The following DNAH3 variants were observed in gnomAD, a reference collection of about 807,000 sequenced individuals.
DNAH3 encodes axonemal beta dynein heavy chain 3.
Under a neutral mutation model 432.5 loss-of-function variants are expected in DNAH3, and 332 were observed. The ratio of observed to expected loss-of-function variants is 0.77; its 90% CI spans 0.70 to 0.84. DNAH3 has a LOEUF of 0.84. Among genes scored for constraint, DNAH3 ranks in the 40% least tolerant of loss-of-function variants. DNAH3 has a pLI of 0.00. For missense variants in DNAH3, 4,861 were observed against 5,114.0 expected (o/e 0.95, Z 1.51); for synonymous variants, 1,956 against 1,900.2 (o/e 1.03, Z -0.76).
At chr16:20,962,397 C>T (rs115760089) in intron 53 of DNAH3, among the ~76,000 whole-genome samples, 1 of 152,086 alleles carries the variant, frequency 6.6e-6, no homozygotes, top group Non-Finnish European at 1.5e-5. Flanking sequence ...CATTGTGAGG[C>T]TTCTTTAAAC....
At chr16:21,081,921 T>G (rs1028387670) in intron 19 of DNAH3, among the ~76,000 whole-genome samples, 194 bp from the exon 20 acceptor site, 7 of 152,070 alleles carry the variant, frequency 4.6e-5, no homozygotes, top group African/African-American at 1.4e-4. Flanking sequence ...TTAAAAAAAT[T>G]TTTTGAGACA....
intron 5 of DNAH3, chr16:21,140,282 T>A (rs2092701818): frequency 3.2e-6 from 1 of 315,816 alleles, no homozygotes; most frequent in East Asian, 5.4e-5. Context: ...GCAACTTATA[T>A]TCTAAAAGGA....
intron 1 of DNAH3, among the ~76,000 whole-genome samples, chr16:21,148,269 C>A (rs1159301093): frequency 6.6e-6 from 1 of 152,048 alleles, no homozygotes; most frequent in African/African-American, 2.4e-5. Flanking sequence ...TACTATCTAC[C>A]ATTATTCCAA....
intron 42 of DNAH3, 102 bp from the exon 43 acceptor site, chr16:21,000,620 T>A: frequency 9.4e-7 from 1 of 1,061,002 alleles, no homozygotes; most frequent in African/African-American, 1.6e-5. Flanking sequence ...CATCCCTTAC[T>A]ATCTTTATGA....
exon 48 of DNAH3, chr16:20,985,328 C>T (rs1193599574): frequency 6.2e-7 from 1 of 1,614,234 alleles, no homozygotes. Flanking sequence ...TTCTTAAGAT[C>T]TTCTCGCCAG....
At chr16:20,933,534 C>T (rs1376340918) in intron 61 of DNAH3, 27 bp from the exon 62 acceptor site, 1 of 1,520,524 alleles carries the variant, frequency 6.6e-7, no homozygotes, top group East Asian at 2.3e-5. Context: ...CTATGAGCTC[C>T]ATTGCCTGCC....
chr16:20,964,795 T>C lies in DNAH3; in HGVS notation c.9089A>G (p.Asp3030Gly), dbSNP rs1317545619. The change falls in exon 53 of 62, where the codon GAC becomes GGC. Residue 3030 changes from aspartate (D) to glycine (G), a missense_variant. By Grantham distance (94) the Asp-to-Gly change is moderately conservative (BLOSUM62 -1). Coordinates refer to ENST00000261383, the Ensembl canonical transcript of DNAH3. ...GTCACTGAAGCCAGGGATGACCTTG[T>C]CCTTACATTCAGCCAACCACTGATT... 3.1e-6 allele frequency: 5 copies of C among 1,613,998 alleles called. No homozygotes were observed. The African/African-American group carries it at 5.3e-5, about 17-fold the overall frequency.
Position 21,117,258 on chromosome 16 carries a change from CA to C in DNAH3, c.1758del (p.Asp587IlefsTer3). On this transcript the variant is annotated frameshift_variant, in exon 12 of 62. Transcript: ENST00000261383. LOFTEE classifies it high-confidence loss of function. ...ACCTTGAAAGTTTGAATCAAAAAAT[CA>C]GAAACAAGTTTTTCTTCTGCGTTAA... The C allele has an allele frequency of 6.2e-7, 1 of 1,611,054 alleles. No homozygotes were observed. The highest frequency in any genetic ancestry group is 8.5e-7 in the Non-Finnish European group (1 of 1,179,362).
chr16:20,939,387 G>A (rs1203230140), intron 59 of DNAH3, among the ~76,000 whole-genome samples: 4 of 152,094 alleles, frequency 2.6e-5, no homozygotes, highest in South Asian at 2.1e-4. Flanking sequence ...CAAGGTGGGC[G>A]GATCACCTGA....
chr16:21,148,117 G>C (rs764682245), intron 1 of DNAH3, among the ~76,000 whole-genome samples: 42 of 152,152 alleles, frequency 2.8e-4, no homozygotes, highest in Admixed American at 1.6e-3. Context: ...TCACTGATGA[G>C]GGTGGGATGG....
At chr16:21,096,656 ATT>A (rs1455773709) in intron 18 of DNAH3, among the ~76,000 whole-genome samples, 1 of 150,360 alleles carries the variant, frequency 6.7e-6, no homozygotes, top group African/African-American at 2.4e-5. Flanking sequence ...GTTTTTTTTT[ATT>A]TGTTTGTTTT....
intron 27 of DNAH3, among the ~76,000 whole-genome samples, chr16:21,055,130 A>G (rs1471425867): frequency 2.6e-5 from 4 of 151,956 alleles, no homozygotes; most frequent in Non-Finnish European, 5.9e-5. Flanking sequence ...CAATTGGCTA[A>G]TTTTATTTAT....
At chr16:20,969,849 T>C (rs1597001002) in exon 52 of DNAH3, 2 of 1,614,088 alleles carry the variant, frequency 1.2e-6, no homozygotes, top group Non-Finnish European at 1.7e-6. Flanking sequence ...ATGCAGATGC[T>C]CTCCATGACC....
intron 36 of DNAH3, among the ~76,000 whole-genome samples, chr16:21,033,023 A>G (rs1261833074): frequency 2.0e-5 from 3 of 152,112 alleles, no homozygotes; most frequent in Non-Finnish European, 4.4e-5. Context: ...ATTGCAGTGC[A>G]GTGCGCAATC....
intron 53 of DNAH3, 51 bp downstream of exon 53, chr16:20,963,233 A>C: frequency 6.5e-7 from 1 of 1,542,396 alleles, no homozygotes; most frequent in Admixed American, 1.8e-5. Flanking sequence ...ACTGATATCC[A>C]CCCACACATA....
intron 53 of DNAH3, among the ~76,000 whole-genome samples, chr16:20,959,642 CACACACACACACA>C (rs2084728826): frequency 6.6e-6 from 1 of 150,722 alleles, no homozygotes; most frequent in Non-Finnish European, 1.5e-5. Context: ...CACACACACA[CACACACACACACA>C]CCCCAACACA....
exon 53 of DNAH3, chr16:20,963,385 T>C (rs2084909814): frequency 6.2e-7 from 1 of 1,614,156 alleles, no homozygotes; most frequent in African/African-American, 1.3e-5. Context: ...GGCTTCGATA[T>C]ACAGCTTTCC....
At chr16:20,988,792 G>C (rs149177346) in intron 44 of DNAH3, among the ~76,000 whole-genome samples, 1 of 152,164 alleles carries the variant, frequency 6.6e-6, no homozygotes, top group Non-Finnish European at 1.5e-5. Flanking sequence ...AAGGTGGCGC[G>C]TCTGGAGGTT....
chr16:21,078,922 C>T (rs926358696), intron 20 of DNAH3, among the ~76,000 whole-genome samples: 4 of 152,196 alleles, frequency 2.6e-5, no homozygotes, highest in Non-Finnish European at 4.4e-5. Context: ...GTTCAGGTGA[C>T]ATGCCTTTTC....
Sources: gnomAD v4.1 joint callset for allele counts (sites outside exome capture counted in the v4.1 genomes callset) on GRCh38, gnomAD v4.1.1 for gene constraint, MANE v1.5 for transcripts, NCBI Gene and HGNC (gene_info 2026-07-23, HGNC 2026-07-21) for gene names.